COL4A2: variants seen among roughly 807,000 people sequenced by gnomAD.
COL4A2 encodes collagen alpha-2(IV) chain.
COL4A2 carries 99 observed loss-of-function variants against 200.2 expected under a neutral mutation model. The observed-to-expected ratio is 0.49, with a 90% confidence interval of 0.42 to 0.58. The LOEUF (loss-of-function observed/expected upper bound fraction) is 0.58, where lower values mean the gene tolerates loss of function less well. Ranked by LOEUF, COL4A2 falls within the 20% of genes least tolerant of loss-of-function variation. The pLI is 0.00. For synonymous variants in COL4A2, 897 were observed against 900.6 expected, an observed-to-expected ratio of 1.00 and a Z score of 0.07; for missense variants, 1,950 against 2,314.1, an observed-to-expected ratio of 0.84 and a Z score of 3.23.
chr13:110,438,756 A>G (rs1048076185), intron 15 of COL4A2, 88 bp downstream of exon 15: 9 of 1,519,628 alleles, frequency 5.9e-6, no homozygotes, highest in Non-Finnish European at 8.2e-6. Context: ...TCAGATTCAC[A>G]GCAAAATTTA....
intron 4 of COL4A2, among the ~76,000 whole-genome samples, chr13:110,392,310 C>G (rs1266712439): frequency 6.6e-6 from 1 of 152,116 alleles, no homozygotes; most frequent in Non-Finnish European, 1.5e-5. Flanking sequence ...TAAGTAAACT[C>G]AAAGAATGAT....
intron 3 of COL4A2, among the ~76,000 whole-genome samples, chr13:110,322,307 G>A (rs1223521604): frequency 6.6e-6 from 1 of 152,194 alleles, no homozygotes; most frequent in Non-Finnish European, 1.5e-5. Flanking sequence ...CCACTCTCCC[G>A]AAGGAGGTTG....
rs572308848 is a variant in COL4A2, at chr13:110,412,066, C to G, written c.181-12668C>G. 3.3e-5 allele frequency among the ~76,000 whole-genome samples: 5 copies of G among 152,338 alleles called. No individual in the cohort carries two copies. The South Asian group carries it at 1.0e-3, about 32-fold the overall frequency. ...GTCAAAGCTAATAACCTGAAACACT[C>G]TCTTGTGGACCCTCTGCAATGGGCT... is the stretch of plus-strand genomic sequence containing the variant. On this transcript the variant is annotated intron_variant, in intron 4 of 47. Transcript: ENST00000360467.
chr13:110,421,774 C>T (rs538939233), intron 4 of COL4A2, among the ~76,000 whole-genome samples: 1 of 152,270 alleles, frequency 6.6e-6, no homozygotes, highest in East Asian at 1.9e-4. Flanking sequence ...AAAGGAAAGA[C>T]TAGAGTTTTT....
At chr13:110,488,320 C>T (rs151286159) in intron 34 of COL4A2, among the ~76,000 whole-genome samples, 43 of 152,276 alleles carry the variant, frequency 2.8e-4, no homozygotes, top group Non-Finnish European at 4.9e-4. Flanking sequence ...CCACCACCCC[C>T]GGCCTAGCTA....
At chr13:110,434,473 G>T in intron 12 of COL4A2, 31 bp downstream of exon 12, 2 of 1,604,512 alleles carry the variant, frequency 1.2e-6, no homozygotes, top group Non-Finnish European at 8.5e-7. Context: ...TCCAGCAGAG[G>T]CATGCAGCAT....
intron 4 of COL4A2, among the ~76,000 whole-genome samples, chr13:110,377,925 C>G (rs1187418446): frequency 6.6e-6 from 1 of 152,134 alleles, no homozygotes; most frequent in African/African-American, 2.4e-5. Flanking sequence ...AAATGTTTCT[C>G]TTATTAGCAA....
intron 43 of COL4A2, 121 bp downstream of exon 43, chr13:110,503,602 C>G: frequency 1.4e-6 from 1 of 729,178 alleles, no homozygotes; most frequent in Non-Finnish European, 2.3e-6. Context: ...TTGTAAAGAG[C>G]AGGGAGGAAA....
intron 3 of COL4A2, among the ~76,000 whole-genome samples, chr13:110,349,641 A>C (rs1190714140): frequency 6.6e-6 from 1 of 152,202 alleles, no homozygotes; most frequent in Non-Finnish European, 1.5e-5. Context: ...GTTTTCCTTA[A>C]AGGGTTCCAT....
At chr13:110,434,647 AACAT>A (rs1880805422) in intron 12 of COL4A2, among the ~76,000 whole-genome samples, 1 of 152,230 alleles carries the variant, frequency 6.6e-6, no homozygotes, top group Non-Finnish European at 1.5e-5. Flanking sequence ...CAAGACGGTA[AACAT>A]AGACCATCTA....
intron 4 of COL4A2, among the ~76,000 whole-genome samples, chr13:110,405,673 G>A (rs1278896197): frequency 1.3e-5 from 2 of 152,246 alleles, no homozygotes; most frequent in Non-Finnish European, 2.9e-5. Flanking sequence ...CGTGGTAGCT[G>A]CAGGCATGGA....
chr13:110,340,617 G>A (rs977443904), intron 3 of COL4A2, among the ~76,000 whole-genome samples: 2 of 152,180 alleles, frequency 1.3e-5, no homozygotes, highest in African/African-American at 4.8e-5. Context: ...CCTAGCCCAG[G>A]GGCAGAAAGA....
chr13:110,474,889 C>G (rs1214579325), intron 29 of COL4A2, among the ~76,000 whole-genome samples: 3 of 96,234 alleles, frequency 3.1e-5, no homozygotes, highest in African/African-American at 7.6e-5. Context: ...TACCCACACA[C>G]GTGCCTATGC....
chr13:110,308,160 G>A (rs750767559), intron 3 of COL4A2, 37 bp downstream of exon 3: 37 of 1,611,792 alleles, frequency 2.3e-5, no homozygotes, highest in Non-Finnish European at 3.1e-5. Flanking sequence ...TTGCGCGCCC[G>A]AGAGTGGTTG....
At chr13:110,313,337 C>T (rs551469865) in intron 3 of COL4A2, among the ~76,000 whole-genome samples, 117 of 152,250 alleles carry the variant, frequency 7.7e-4, no homozygotes, top group Admixed American at 2.4e-3. Context: ...TTTTGGTTAC[C>T]CCTGAAAGGA....
chr13:110,480,898 T>C (rs150734066), intron 31 of COL4A2, among the ~76,000 whole-genome samples: 1,715 of 148,420 alleles, frequency 0.012, 18 homozygotes, highest in African/African-American at 0.028. Flanking sequence ...AGTTCTGTCC[T>C]TCCATTGCTG....
chr13:110,321,005 A>G (rs1885259977), intron 3 of COL4A2, among the ~76,000 whole-genome samples: 1 of 152,186 alleles, frequency 6.6e-6, no homozygotes, highest in Non-Finnish European at 1.5e-5. Flanking sequence ...TTCTTTCTAA[A>G]TATTTCATGT....
chr13:110,340,362 C>T (rs1876396958), intron 3 of COL4A2, among the ~76,000 whole-genome samples: 4 of 152,176 alleles, frequency 2.6e-5, no homozygotes, highest in Admixed American at 2.0e-4. Flanking sequence ...TGAGCCACCG[C>T]GCCCAGCCAA....
At chr13:110,412,296 G>A (rs920175599) in intron 4 of COL4A2, among the ~76,000 whole-genome samples, 4 of 152,212 alleles carry the variant, frequency 2.6e-5, no homozygotes, top group African/African-American at 9.7e-5. Context: ...CGTGACAAAT[G>A]AGGGAGCTGC....
Sources: allele counts gnomAD v4.1 joint callset (sites outside exome capture counted in the v4.1 genomes callset), GRCh38; gene constraint gnomAD v4.1.1; transcripts MANE v1.5; gene names NCBI Gene and HGNC (gene_info 2026-07-23, HGNC 2026-07-21).